Variants in TEX29 observed in about 807,000 individuals in gnomAD.
TEX29 encodes testis-expressed protein 29.
TEX29 carries 26 observed loss-of-function variants against 18.2 expected under a neutral mutation model. The observed-to-expected ratio is 1.43, with a 90% CI of 1.04 to 1.98. The LOEUF is 1.98. Among genes scored for constraint, TEX29 ranks in the 30% most tolerant of loss-of-function variants. TEX29 has a pLI of 0.00. For missense variants in TEX29, 177 were observed against 194.2 expected (o/e 0.91, Z 0.53); for synonymous variants, 83 against 78.5 (o/e 1.06, Z -0.31).
Position 111,337,842 on chromosome 13 carries a change from G to A in TEX29, c.170-2021G>A, listed in dbSNP as rs536489491. Among the ~76,000 whole-genome samples, 31 of 152,216 alleles carry A rather than the reference G, an allele frequency of 2.0e-4. No individual in the cohort carries two copies. In the South Asian group the frequency reaches 5.6e-3, roughly 28 times the overall value. On this transcript the variant is annotated intron_variant, in intron 3 of 5. Coordinates refer to ENST00000283547, the MANE Select transcript of TEX29 (RefSeq NM_152324.3). ...CTGACAGCTTGCAACCCCAAGCCTC[G>A]CTCCCTTCCTCCAGCCTCTCTGTGA... is the stretch of plus-strand genomic sequence containing the variant.
At chr13:111,342,967 C>T in intron 5 of TEX29, 36 bp downstream of exon 5, 2 of 1,605,754 alleles carry the variant, frequency 1.2e-6, no homozygotes, top group Non-Finnish European at 1.7e-6. Flanking sequence ...AGCCTAAGGT[C>T]AAGGGCGTGG....
intron 2 of TEX29, 53 bp downstream of exon 2, chr13:111,321,001 G>C: frequency 2.5e-6 from 2 of 812,100 alleles, no homozygotes; most frequent in Non-Finnish European, 3.9e-6. Flanking sequence ...CAGTTGGGGG[G>C]GGGCACAGGG....
intron 3 of TEX29, among the ~76,000 whole-genome samples, chr13:111,330,725 G>A (rs1201126180): frequency 1.3e-5 from 2 of 152,126 alleles, no homozygotes; most frequent in Non-Finnish European, 2.9e-5. Context: ...TAGCAGTCGT[G>A]TCCTATCCTT....
intron 2 of TEX29, among the ~76,000 whole-genome samples, chr13:111,321,424 C>T (rs913331965): frequency 6.6e-6 from 1 of 152,184 alleles, no homozygotes; most frequent in Non-Finnish European, 1.5e-5. Flanking sequence ...TGTGGCTTCT[C>T]CCACAGGTGC....
chr13:111,331,004 C>G (rs2093681890), intron 3 of TEX29, among the ~76,000 whole-genome samples: 1 of 152,178 alleles, frequency 6.6e-6, no homozygotes, highest in Admixed American at 6.5e-5. Flanking sequence ...TGATGCTGCT[C>G]AGAACATTTG....
chr13:111,339,754 G>A (rs1031133854), intron 3 of TEX29, 109 bp from the exon 4 acceptor site: 4 of 1,061,468 alleles, frequency 3.8e-6, no homozygotes, highest in Non-Finnish European at 5.8e-6. Context: ...ACCATGGGCA[G>A]CCGCGCCGGG....
chr13:111,334,311 G>T (rs1433956295), intron 3 of TEX29, among the ~76,000 whole-genome samples: 1 of 152,130 alleles, frequency 6.6e-6, no homozygotes, highest in African/African-American at 2.4e-5. Flanking sequence ...TATTCTTTGT[G>T]GTGTGTGACC....
chr13:111,319,944 C>T (rs930629535), upstream of TEX29, among the ~76,000 whole-genome samples: 4 of 152,220 alleles, frequency 2.6e-5, no homozygotes, highest in African/African-American at 7.2e-5. Context: ...TTCCATTTCT[C>T]GCACAAAATC....
At chr13:111,325,626 CTT>C (rs1021833536) in intron 2 of TEX29, among the ~76,000 whole-genome samples, 4 of 152,076 alleles carry the variant, frequency 2.6e-5, no homozygotes, top group Non-Finnish European at 5.9e-5. Context: ...GCGTGAGAGA[CTT>C]TTCAGGGTCT....
chr13:111,320,995 TGG>T lies in TEX29; in HGVS notation c.58+55_58+56del, dbSNP rs57775875. The T allele has an allele frequency of 2.0e-4, 65 of 322,298 alleles. 1 individual carries two copies. In the East Asian group the frequency reaches 4.2e-3, roughly 21 times the overall value. 20.0% of individuals were successfully genotyped at this position (322,298 alleles called of 1,614,324 possible). On this transcript the variant is annotated intron_variant, in intron 2 of 5. Transcript: ENST00000283547. ...GGGGCGGGTGGGGTGGGGGAGCAGT[TGG>T]GGGGGGGCACAGGGAGGAGCTGTTT...
intron 4 of TEX29, 42 bp downstream of exon 4, chr13:111,339,974 G>GGGGCCCCCGGGC: frequency 7.2e-7 from 1 of 1,379,842 alleles, no homozygotes. Context: ...GGGAGGAGGG[G>GGGGCCCCCGGGC]ACTCACCTCT....
intron 3 of TEX29, among the ~76,000 whole-genome samples, chr13:111,335,707 C>T (rs950030095): frequency 6.6e-6 from 1 of 152,182 alleles, no homozygotes; most frequent in African/African-American, 2.4e-5. Flanking sequence ...CGTTAGCATC[C>T]AAAAGGTATT....
In TEX29 at chr13:111,342,994, G is replaced by C; in HGVS notation, c.415+63G>C. 1.9e-6 allele frequency: 3 copies of C among 1,563,906 alleles called. No homozygotes were observed. The Admixed American group carries it at 5.3e-5, about 28-fold the overall frequency. Reference sequence around the variant, plus strand: ...AGGGCGTGGCTCTGTTCCCTCGGGAGACCTTCCCTGGGAAGGGGCTCAACA... The same window carrying C: ...AGGGCGTGGCTCTGTTCCCTCGGGACACCTTCCCTGGGAAGGGGCTCAACA... On this transcript the variant is annotated intron_variant, in intron 5 of 5. Coordinates refer to ENST00000283547, the MANE Select transcript of TEX29 (RefSeq NM_152324.3).
Position 111,320,967 on chromosome 13 carries a change from AG to A in TEX29, c.58+25del, listed in dbSNP as rs745932944. 5.9e-5 allele frequency: 13 copies of A among 220,164 alleles called. No individual in the cohort carries two copies. The highest frequency in any genetic ancestry group is 7.5e-5 in the Non-Finnish European group (10 of 132,916). The allele number at this position is 220,164 out of a possible 1,614,324, so 13.6% of individuals were successfully genotyped here. A position where few individuals can be genotyped will look rare whatever the true frequency, so the allele number is the denominator to read the frequency against. Reference sequence around the variant, plus strand: ...TTCACAGGTATGGAGGGAAGGCGCCAGGGGGGCGGGTGGGGTGGGGGAGCAG... The same window carrying A: ...TTCACAGGTATGGAGGGAAGGCGCCAGGGGGCGGGTGGGGTGGGGGAGCAG... On this transcript the variant is annotated intron_variant, in intron 2 of 5. Coordinates refer to ENST00000283547, the MANE Select transcript of TEX29 (RefSeq NM_152324.3).
intron 2 of TEX29, among the ~76,000 whole-genome samples, chr13:111,322,701 C>G (rs1425147435): frequency 1.3e-5 from 2 of 152,260 alleles, no homozygotes. Context: ...GCTCCCCACA[C>G]AGCCTGTCCT....
At chr13:111,327,189 G>A (rs1055901153) in intron 2 of TEX29, among the ~76,000 whole-genome samples, 25 of 152,364 alleles carry the variant, frequency 1.6e-4, no homozygotes, top group African/African-American at 6.0e-4. Flanking sequence ...TGGCAGGTGC[G>A]GCATCGCCTC....
intron 2 of TEX29, among the ~76,000 whole-genome samples, chr13:111,323,708 T>C (rs1437202420): frequency 2.0e-5 from 3 of 146,438 alleles, no homozygotes; most frequent in African/African-American, 7.6e-5. Context: ...GCCACACACA[T>C]GAGCCTCTGC....
upstream of TEX29, among the ~76,000 whole-genome samples, chr13:111,318,999 T>G (rs2093659271): frequency 6.6e-6 from 1 of 152,228 alleles, no homozygotes; most frequent in African/African-American, 2.4e-5. Flanking sequence ...GCCTTCTCAC[T>G]GGGTCCTCAT....
chr13:111,328,115 T>A, intron 2 of TEX29, 68 bp from the exon 3 acceptor site: 1 of 1,041,724 alleles, frequency 9.6e-7, no homozygotes, highest in South Asian at 1.3e-5. Context: ...GGTTCCCAGG[T>A]TCTTTAGCGG....
Sources: gnomAD v4.1 joint callset for allele counts (sites outside exome capture counted in the v4.1 genomes callset) on GRCh38, gnomAD v4.1.1 for gene constraint, MANE v1.5 for transcripts, NCBI Gene and HGNC (gene_info 2026-07-23, HGNC 2026-07-21) for gene names.